AGO4: variants seen among roughly 807,000 people sequenced by gnomAD.
AGO4 encodes protein argonaute-4.
In AGO4, 33 loss-of-function variants were observed where a neutral mutation model predicts 104.7. The observed-to-expected ratio is 0.32, with a 90% CI of 0.24 to 0.42. The LOEUF (loss-of-function observed/expected upper bound fraction) is 0.42. AGO4 is among the 10% of genes least tolerant of loss of function. The pLI is 1.00. For missense variants in AGO4, 711 were observed against 1,083.4 expected (o/e 0.66, Z 4.83); for synonymous variants, 331 against 364.7 (o/e 0.91, Z 1.05).
intron 13 of AGO4, among the ~76,000 whole-genome samples, chr1:35,838,198 T>C (rs1251105931): frequency 6.6e-6 from 1 of 152,184 alleles, no homozygotes; most frequent in East Asian, 1.9e-4. Flanking sequence ...AATTACAGGC[T>C]CATGCCACCA....
intron 1 of AGO4, among the ~76,000 whole-genome samples, chr1:35,816,179 G>A (rs1311174280): frequency 1.3e-5 from 2 of 152,202 alleles, no homozygotes; most frequent in African/African-American, 4.8e-5. Flanking sequence ...ATTTGTGAGA[G>A]ATTAGTAGGT....
intron 17 of AGO4, 49 bp downstream of exon 17, chr1:35,851,102 T>TA (rs761123104): frequency 4.8e-5 from 73 of 1,513,180 alleles, no homozygotes; most frequent in South Asian, 2.1e-4. Flanking sequence ...AGTAGCATGT[T>TA]AAAAAAAATG....
chr1:35,853,425 T>TG, intron 17 of AGO4, 72 bp from the exon 18 acceptor site: 1 of 1,426,194 alleles, frequency 7.0e-7, no homozygotes, highest in Non-Finnish European at 9.6e-7. Flanking sequence ...TTTTTGTTTT[T>TG]TTGTTGTTGT....
intron 15 of AGO4, among the ~76,000 whole-genome samples, chr1:35,846,403 C>G (rs542140646): frequency 3.9e-5 from 6 of 152,086 alleles, no homozygotes; most frequent in Admixed American, 3.9e-4. Context: ...CGAGACCATC[C>G]TGGCTACCAC....
intron 3 of AGO4, 59 bp from the exon 4 acceptor site, chr1:35,825,254 G>C (rs138776441): frequency 6.4e-7 from 1 of 1,557,230 alleles, no homozygotes; most frequent in East Asian, 2.3e-5. Flanking sequence ...ATATTCTTGG[G>C]ATCTTTCCCA....
intron 12 of AGO4, 23 bp downstream of exon 12, chr1:35,834,197 A>G (rs773819161): frequency 1.3e-6 from 2 of 1,487,912 alleles, no homozygotes; most frequent in Non-Finnish European, 1.8e-6. Context: ...TTAATGCTGA[A>G]TGAGGGATGA....
intron 15 of AGO4, among the ~76,000 whole-genome samples, chr1:35,845,603 C>G (rs1258572955): frequency 6.6e-6 from 1 of 152,148 alleles, no homozygotes; most frequent in Non-Finnish European, 1.5e-5. Flanking sequence ...TTCTCAATTT[C>G]AGCCCTCTCT....
At chr1:35,838,118 T>C (rs908750027) in intron 13 of AGO4, among the ~76,000 whole-genome samples, 1 of 151,974 alleles carries the variant, frequency 6.6e-6, no homozygotes, top group Admixed American at 6.6e-5. Context: ...AGTGATGCAA[T>C]CTCGGCTCAC....
rs1449548542 is a variant in AGO4 at position 35,856,556 on chromosome 1, CGCGG to C, written c.*2952_*2955del. The stretch of plus-strand genomic sequence containing the variant: ...ATAAGAAGTGGGGACATTGGCCGGG[CGCGG>C]TGGCTCACGCCTGTAATTCCAGCAC... On this transcript the variant is annotated 3_prime_UTR_variant, in exon 18 of 18. Transcript: ENST00000373210. The C allele has an allele frequency of 6.6e-6, 1 of 152,266 alleles. No individual in the cohort carries two copies. Among genetic ancestry groups the C allele is most frequent in the East Asian group, 1.9e-4 (1 of 5,200 alleles). 9.4% of individuals were successfully genotyped at this position (152,266 alleles called of 1,614,324 possible).
intron 1 of AGO4, among the ~76,000 whole-genome samples, chr1:35,816,426 TTTA>T (rs1643695732): frequency 6.6e-6 from 1 of 152,172 alleles, no homozygotes; most frequent in African/African-American, 2.4e-5. Context: ...CCCCAGATTC[TTTA>T]TATTAGAGTA....
At position 35,818,176 on chromosome 1, in the gene AGO4, A is replaced by G. The variant is rs893117466; in HGVS notation, c.185+1129A>G. On this transcript the variant is annotated intron_variant, in intron 2 of 17. Transcript: ENST00000373210. ...AATATATATGTTTATATATACATAT[A>G]CATGCATATGTAGATATACACACAC... 9.3e-4 allele frequency among the ~76,000 whole-genome samples: 142 copies of G among 152,236 alleles called. 2 individuals carry two copies. Among genetic ancestry groups the G allele is most frequent in the African/African-American group, 3.3e-3 (137 of 41,466 alleles).
chr1:35,833,830 C>T (rs898062509), intron 11 of AGO4, among the ~76,000 whole-genome samples, 160 bp from the exon 12 acceptor site: 3 of 152,108 alleles, frequency 2.0e-5, no homozygotes, highest in African/African-American at 7.2e-5. Flanking sequence ...AATTGCCAGT[C>T]CATTTTTGGC....
chr1:35,835,718 G>A (rs1389285583), intron 12 of AGO4, 116 bp from the exon 13 acceptor site: 5 of 846,780 alleles, frequency 5.9e-6, no homozygotes, highest in Non-Finnish European at 8.5e-6. Flanking sequence ...GAAGCATCTA[G>A]CACAGTGTAC....
chr1:35,808,484 G>A lies in AGO4; in HGVS notation c.19+49G>A. The stretch of plus-strand genomic sequence containing the variant: ...GCGGGACCCGGGACCCGGGACCCGG[G>A]GCGGGCGGCCGGGACTTTCGCTGCC... On this transcript the variant is annotated intron_variant, in intron 1 of 17. Transcript: ENST00000373210. The surrounding 1 kb of genome is among the most constrained non-coding windows in gnomAD (Gnocchi z 5.2). The A allele has an allele frequency of 8.5e-7, 1 of 1,180,990 alleles. No homozygotes were observed. The highest frequency in any genetic ancestry group is 1.0e-6 in the Non-Finnish European group (1 of 954,602). The allele number at this position is 1,180,990 out of a possible 1,614,324, so 73.2% of individuals were successfully genotyped here. A position where few individuals can be genotyped will look rare whatever the true frequency, so the allele number is the denominator to read the frequency against.
intron 12 of AGO4, among the ~76,000 whole-genome samples, chr1:35,834,819 T>C (rs966403224): frequency 2.0e-5 from 3 of 151,806 alleles, no homozygotes; most frequent in Admixed American, 2.0e-4. Flanking sequence ...TCTCAGGCTC[T>C]CGAGTAGCTG....
chr1:35,809,757 TTTCA>T (rs1424730629), intron 1 of AGO4, among the ~76,000 whole-genome samples: 1 of 152,230 alleles, frequency 6.6e-6, no homozygotes, highest in African/African-American at 2.4e-5. Context: ...TCCTTTGAAC[TTTCA>T]TTTTCTCGTC....
chr1:35,853,687 G>T lies in AGO4; in HGVS notation c.*82G>T. 1.7e-6 allele frequency: 2 copies of T among 1,196,224 alleles called. No homozygotes were observed. Among genetic ancestry groups the T allele is most frequent in the South Asian group, 2.7e-5 (2 of 75,156 alleles). 74.1% of individuals were successfully genotyped at this position (1,196,224 alleles called of 1,614,324 possible). On this transcript the variant is annotated 3_prime_UTR_variant, in exon 18 of 18. Transcript: ENST00000373210. ...CAAATGCCTACCGCCTCTAGATCGAGCCACGTTGACTTCAGGTGGTCTTCT... is the reference window on the plus strand; with the variant it reads ...CAAATGCCTACCGCCTCTAGATCGATCCACGTTGACTTCAGGTGGTCTTCT...
Position 35,832,505 on chromosome 1 carries a change from T to G in AGO4, c.1314T>G (p.Ile438Met). The change falls in exon 11 of 18, where the codon ATT (isoleucine) becomes ATG (methionine). Residue 438 changes from isoleucine to methionine, a missense_variant. Transcript: ENST00000373210. Reference protein sequence around the residue: ...DMRGKQFYAGIEIKVWAVACF... With the variant: ...DMRGKQFYAGMEIKVWAVACF... The stretch of plus-strand genomic sequence containing the variant: ...GAGGAAAGCAGTTTTATGCTGGCAT[T>G]GAAATTAAAGTTTGGGCAGTTGCTT... 3 of 1,614,036 alleles carry G rather than the reference T, an allele frequency of 1.9e-6. No individual in the cohort carries two copies. The highest frequency in any genetic ancestry group is 2.5e-6 in the Non-Finnish European group (3 of 1,180,006).
chr1:35,843,257 G>GA (rs1644492601), intron 15 of AGO4, among the ~76,000 whole-genome samples: 1 of 152,022 alleles, frequency 6.6e-6, no homozygotes, highest in Non-Finnish European at 1.5e-5. Context: ...GTTGAGACGG[G>GA]GTTTCACCAT....
Sources: allele counts gnomAD v4.1 joint callset (sites outside exome capture counted in the v4.1 genomes callset), GRCh38; gene constraint gnomAD v4.1.1; non-coding constraint Gnocchi (gnomAD v3.1); transcripts MANE v1.5; gene names NCBI Gene and HGNC (gene_info 2026-07-23, HGNC 2026-07-21).